The following PARD3 variants were observed in gnomAD, a reference collection of about 807,000 sequenced individuals.
PARD3 encodes the protein partitioning defective 3 homolog.
PARD3 carries 75 observed loss-of-function variants against 155.4 expected under a neutral mutation model. The ratio of observed to expected loss-of-function variants is 0.48; its 90% CI spans 0.40 to 0.58. PARD3 has a LOEUF of 0.58. PARD3 is among the 20% of genes least tolerant of loss of function. The probability of loss-of-function intolerance (pLI) is 0.00; values close to 1 mark genes in which losing one functional copy is unlikely to be tolerated. For synonymous variants in PARD3, 576 were observed against 610.5 expected (o/e 0.94, Z 0.83); for missense variants, 1,642 against 1,721.7 (o/e 0.95, Z 0.82).
At chr10:34,531,032 A>T (rs1443863152) in intron 2 of PARD3, among the ~76,000 whole-genome samples, 2 of 152,184 alleles carry the variant, frequency 1.3e-5, no homozygotes, top group African/African-American at 2.4e-5. Context: ...CCAGGCCTTT[A>T]TGTTGTGCAA....
intron 3 of PARD3, among the ~76,000 whole-genome samples, chr10:34,488,126 T>G (rs534469396): frequency 1.3e-4 from 20 of 152,282 alleles, no homozygotes; most frequent in African/African-American, 3.6e-4. Flanking sequence ...GATGTGCGTT[T>G]GAAGCTCCTG....
intron 22 of PARD3, among the ~76,000 whole-genome samples, chr10:34,265,305 TG>T (rs1955245169): frequency 1.3e-5 from 2 of 152,228 alleles, no homozygotes; most frequent in South Asian, 4.1e-4. Flanking sequence ...ACGTGGAAAT[TG>T]AGAAAATGTC....
intron 14 of PARD3, among the ~76,000 whole-genome samples, chr10:34,353,173 G>A (rs1285736706): frequency 6.6e-6 from 1 of 151,954 alleles, no homozygotes; most frequent in Non-Finnish European, 1.5e-5. Flanking sequence ...CCGGGAGGGA[G>A]GTGGGGGGCG....
intron 1 of PARD3, among the ~76,000 whole-genome samples, chr10:34,750,469 AC>A (rs1835868899): frequency 5.2e-5 from 1 of 19,230 alleles, no homozygotes; most frequent in Admixed American, 4.5e-4. Flanking sequence ...TCAAACACAC[AC>A]ACACACACAC....
At chr10:34,112,152 G>A (rs1380603619) in intron 24 of PARD3, among the ~76,000 whole-genome samples, 1 of 152,214 alleles carries the variant, frequency 6.6e-6, no homozygotes, top group Non-Finnish European at 1.5e-5. Flanking sequence ...TTCAAGTTGT[G>A]TATGTCAGCA....
chr10:34,196,961 C>T (rs533008276), intron 22 of PARD3, among the ~76,000 whole-genome samples: 4 of 152,214 alleles, frequency 2.6e-5, no homozygotes, highest in Admixed American at 6.5e-5. Flanking sequence ...TACTATGAAC[C>T]GCAAGCTTTG....
chr10:34,794,942 G>A (rs980865382), intron 1 of PARD3, among the ~76,000 whole-genome samples: 2 of 152,260 alleles, frequency 1.3e-5, no homozygotes, highest in African/African-American at 4.8e-5. Flanking sequence ...CAAGGCCTTG[G>A]ACACTCCTCA....
chr10:34,552,685 G>T (rs946361987), intron 2 of PARD3, among the ~76,000 whole-genome samples: 2 of 150,060 alleles, frequency 1.3e-5, no homozygotes, highest in South Asian at 4.2e-4. Flanking sequence ...TTGCACTCCA[G>T]CCTGGGCAAC....
At chr10:34,365,620 G>A (rs945064464) in intron 12 of PARD3, among the ~76,000 whole-genome samples, 2 of 152,042 alleles carry the variant, frequency 1.3e-5, no homozygotes, top group African/African-American at 2.4e-5. Context: ...ATGGAGTCTC[G>A]CTCTGTTGCC....
At chr10:34,515,288 A>G (rs1268990756) in intron 3 of PARD3, among the ~76,000 whole-genome samples, 1 of 152,266 alleles carries the variant, frequency 6.6e-6, no homozygotes, top group African/African-American at 2.4e-5. Flanking sequence ...ATATCCTAGT[A>G]GTCAACAAAA....
At chr10:34,385,048 AAAT>A (rs1311038291) in intron 7 of PARD3, among the ~76,000 whole-genome samples, 1 of 152,212 alleles carries the variant, frequency 6.6e-6, no homozygotes, top group Admixed American at 6.5e-5. Flanking sequence ...AGACTGGGAC[AAAT>A]AAGAAATACT....
chr10:34,116,926 A>C (rs1390536398), intron 24 of PARD3, among the ~76,000 whole-genome samples: 4 of 152,198 alleles, frequency 2.6e-5, no homozygotes, highest in Non-Finnish European at 5.9e-5. Context: ...AGAAGGGAAG[A>C]GATGTCGGGG....
chr10:34,147,744 T>G (rs373208609), intron 22 of PARD3, among the ~76,000 whole-genome samples: 1 of 152,140 alleles, frequency 6.6e-6, no homozygotes, highest in Admixed American at 6.6e-5. Context: ...AAAAAATCTT[T>G]CAGCTCCTAT....
Position 34,252,622 on chromosome 10 carries a change from A to G in PARD3, c.3419+17035T>C, listed in dbSNP as rs1328905064. Among the ~76,000 whole-genome samples, 6 of 152,174 alleles carry G rather than the reference A, an allele frequency of 3.9e-5. No homozygotes were observed. In the East Asian group the frequency reaches 1.2e-3, roughly 29 times the overall value. ...GCCCTGGATCATCCCGACACAGTGG[A>G]GTTTATCACCAGTGCCTGCATGAAG... On this transcript the variant is annotated intron_variant, in intron 22 of 24. Coordinates refer to ENST00000374788, the MANE Select transcript of PARD3 (RefSeq NM_001184785.2).
chr10:34,770,858 T>C (rs1312207646), intron 1 of PARD3, among the ~76,000 whole-genome samples: 1 of 152,082 alleles, frequency 6.6e-6, no homozygotes, highest in African/African-American at 2.4e-5. Flanking sequence ...CCCGGAAAGG[T>C]GGGCAGCAAA....
intron 22 of PARD3, among the ~76,000 whole-genome samples, chr10:34,267,861 T>C (rs945741578): frequency 1.3e-5 from 2 of 152,114 alleles, no homozygotes; most frequent in Non-Finnish European, 2.9e-5. Context: ...GAATCAAAAT[T>C]TGGGGAGAGT....
intron 12 of PARD3, among the ~76,000 whole-genome samples, chr10:34,371,315 T>C (rs1363095117): frequency 6.6e-6 from 1 of 151,506 alleles, no homozygotes; most frequent in East Asian, 1.9e-4. Flanking sequence ...CTAGGAATTG[T>C]CTACAACACA....
chr10:34,523,187 C>A (rs888798978), intron 2 of PARD3, among the ~76,000 whole-genome samples: 1 of 152,118 alleles, frequency 6.6e-6, no homozygotes, highest in African/African-American at 2.4e-5. Flanking sequence ...CAGATTCTAC[C>A]CTCATACAGG....
intron 1 of PARD3, among the ~76,000 whole-genome samples, chr10:34,774,861 T>C (rs1306934676): frequency 1.3e-5 from 2 of 152,250 alleles, no homozygotes; most frequent in African/African-American, 2.4e-5. Context: ...TTCACTGGTA[T>C]CTGTATTTGA....
Sources: allele counts gnomAD v4.1 joint callset (sites outside exome capture counted in the v4.1 genomes callset), GRCh38; gene constraint gnomAD v4.1.1; transcripts MANE v1.5; gene names NCBI Gene and HGNC (gene_info 2026-07-23, HGNC 2026-07-21).